The following IRF2BP2 variants were observed in gnomAD, a reference collection of about 807,000 sequenced individuals.
IRF2BP2 encodes the protein interferon regulatory factor 2-binding protein 2.
A neutral mutation model predicts 32.7 loss-of-function variants in IRF2BP2; 13 were observed. The ratio of observed to expected loss-of-function variants is 0.40; its 90% CI spans 0.26 to 0.63. IRF2BP2 has a LOEUF of 0.63. Ranked by LOEUF, IRF2BP2 falls within the 30% of genes least tolerant of loss-of-function variation. The pLI is 0.42. For synonymous variants in IRF2BP2, 555 were observed against 384.6 expected (o/e 1.44, Z -5.18); for missense variants, 980 against 830.6 (o/e 1.18, Z -2.21).
chr1:234,608,973 C>G lies in IRF2BP2; in HGVS notation c.522G>C (p.Gln174His), dbSNP rs1346043758. 7 of 1,359,594 alleles carry G rather than the reference C, an allele frequency of 5.1e-6. No individual in the cohort carries two copies. The highest frequency in any genetic ancestry group is 6.6e-6 in the Non-Finnish European group (7 of 1,060,628). 84.2% of individuals were successfully genotyped at this position (1,359,594 alleles called of 1,614,324 possible). Residue 174 changes from glutamine to histidine, a missense_variant, in exon 1 of 2, where the codon CAG becomes CAC. By Grantham distance (24) the Gln-to-His change is conservative. Coordinates refer to ENST00000366609, the MANE Select transcript of IRF2BP2 (RefSeq NM_182972.3). ...CGTGGCCGCGCCGCGGGTTCGGGCTCTGGCGATTCAGCTCGGGCGGCTCCT... is the reference window on the plus strand; with the variant it reads ...CGTGGCCGCGCCGCGGGTTCGGGCTGTGGCGATTCAGCTCGGGCGGCTCCT... The part of the protein sequence containing the change: ...KLEEPPELNR[Q>H]SPNPRRGHAV...
At position 234,607,456 on chromosome 1, in the gene IRF2BP2, G is replaced by C. The variant is rs1672194317; in HGVS notation, c.1445C>G (p.Thr482Arg). The C allele has an allele frequency of 6.2e-7, 1 of 1,613,970 alleles. No homozygotes were observed. Among genetic ancestry groups the C allele is most frequent in the Non-Finnish European group, 8.5e-7 (1 of 1,179,954 alleles). ...REVGGQGAGN[T>R]GGLEPVHPAS... Reference sequence around the variant, plus strand: ...AGGGTGCACTGGCTCCAGTCCTCCTGTGTTGCCTGCTCCCTGGCCCCCCAC... The same window carrying C: ...AGGGTGCACTGGCTCCAGTCCTCCTCTGTTGCCTGCTCCCTGGCCCCCCAC... The change falls in exon 2 of 2, where the codon ACA (threonine) becomes AGA (arginine). Residue 482 changes from threonine to arginine, a missense_variant. Coordinates refer to ENST00000366609, the MANE Select transcript of IRF2BP2 (RefSeq NM_182972.3).
intron 1 of IRF2BP2, among the ~76,000 whole-genome samples, 164 bp downstream of exon 1, chr1:234,608,283 T>G (rs1326294497): frequency 1.3e-5 from 2 of 152,240 alleles, no homozygotes; most frequent in African/African-American, 2.4e-5. Context: ...CTTCAGCACA[T>G]GAACACGTTG....
At position 234,609,453 on chromosome 1, in the gene IRF2BP2, C is replaced by A; in HGVS notation, c.42G>T (p.Gln14His). The change falls in exon 1 of 2, where the codon CAG (glutamine) becomes CAT (histidine). Residue 14 changes from glutamine to histidine, a missense_variant. Transcript: ENST00000366609. The part of the protein sequence containing the change: ...AVAVAAASRR[Q>H]SCYLCDLPRM... ...GGGGCAGGTCACACAGGTAGCACGA[C>A]TGCCGCCGGGACGCGGCCGCCACCG... 6.5e-7 allele frequency: 1 copy of A among 1,533,924 alleles called. No homozygotes were observed.
chr1:234,608,195 C>T (rs1326999616), intron 1 of IRF2BP2: 1 of 523,582 alleles, frequency 1.9e-6, no homozygotes, highest in Non-Finnish European at 3.4e-6. Flanking sequence ...CCTCATGCTC[C>T]CATCCAAGAA....
At position 234,607,767 on chromosome 1, in the gene IRF2BP2, C is replaced by T. The variant is rs1428878286; in HGVS notation, c.1134G>A (p.Pro378=). ...GPPKINGEAQ[P]WLSTSTEGLK... ...GCCCCTCTGTGGATGTGGACAGCCA[C>T]GGCTGGGCCTCTCCGTTGATCTTAG... The change falls in exon 2 of 2, where the codon CCG becomes CCA. Residue 378 remains proline (P), a synonymous_variant. Transcript: ENST00000366609. 3.7e-6 allele frequency: 6 copies of T among 1,613,814 alleles called. No individual in the cohort carries two copies. In the African/African-American group the frequency reaches 4.0e-5, roughly 11 times the overall value.
chr1:234,607,369 T>C lies in IRF2BP2; in HGVS notation c.1532A>G (p.Glu511Gly), dbSNP rs1571956696. Residue 511 changes from glutamate (E) to glycine (G), a missense_variant, in exon 2 of 2, where the codon GAG becomes GGG. Coordinates refer to ENST00000366609, the MANE Select transcript of IRF2BP2 (RefSeq NM_182972.3). Reference protein sequence around the residue: ...SAPLCCTLCHERLEDTHFVQC... With the variant: ...SAPLCCTLCHGRLEDTHFVQC... ...CACAAAATGGGTGTCCTCCAGCCGC[T>C]CGTGGCAGAGGGTGCAGCACAGCGG... The C allele has an allele frequency of 1.2e-6, 2 of 1,614,114 alleles. No individual in the cohort carries two copies. Among genetic ancestry groups the C allele is most frequent in the Middle Eastern group, 3.3e-4 (2 of 6,062 alleles).
rs529876055 is a variant in IRF2BP2, at chr1:234,606,113, G to A, written c.*1024C>T. 4 of 152,340 alleles carry A rather than the reference G, an allele frequency of 2.6e-5. No individual in the cohort carries two copies. Among genetic ancestry groups the A allele is most frequent in the African/African-American group, 7.2e-5 (3 of 41,566 alleles). The allele number at this position is 152,340 out of a possible 1,614,324, so 9.4% of individuals were successfully genotyped here. A position where few individuals can be genotyped will look rare whatever the true frequency, so the allele number is the denominator to read the frequency against. On this transcript the variant is annotated 3_prime_UTR_variant, in exon 2 of 2. Coordinates refer to ENST00000366609, the MANE Select transcript of IRF2BP2 (RefSeq NM_182972.3). ...CACTCACTAGAAACAGGGTATAGGT[G>A]ATAGTATCAACAGCAATAGCACTAC...
At position 234,608,523 on chromosome 1, in the gene IRF2BP2, C is replaced by G. The variant is rs374664827; in HGVS notation, c.972G>C (p.Lys324Asn). The change falls in exon 1 of 2, where the codon AAG becomes AAC. Residue 324 changes from lysine (K) to asparagine (N), a missense_variant. By Grantham distance (94) the Lys-to-Asn change is moderately conservative. Transcript: ENST00000366609. ...QHGHSGPFES[K>N]FKKEPALTAG... is the part of the protein sequence containing the mutation. ...CAGTCAGGGCCGGCTCCTTCTTAAACTTGCTCTCGAAGGGCCCCGAGTGGC... is the reference window on the plus strand; with the variant it reads ...CAGTCAGGGCCGGCTCCTTCTTAAAGTTGCTCTCGAAGGGCCCCGAGTGGC... The G allele has an allele frequency of 2.5e-6, 4 of 1,610,858 alleles. No homozygotes were observed. The African/African-American group carries it at 5.3e-5, about 22-fold the overall frequency.
intron 1 of IRF2BP2, 65 bp from the exon 2 acceptor site, chr1:234,607,917 TC>T (rs1672210825): frequency 7.8e-7 from 1 of 1,288,656 alleles, no homozygotes; most frequent in Non-Finnish European, 1.1e-6. Flanking sequence ...AAGAGATCAT[TC>T]TCTTCCTAAC....
Position 234,608,975 on chromosome 1 carries a change from G to T in IRF2BP2, c.520C>A (p.Gln174Lys), listed in dbSNP as rs1233339474. The T allele has an allele frequency of 7.4e-7, 1 of 1,359,734 alleles. No individual in the cohort carries two copies. Among genetic ancestry groups the T allele is most frequent in the Non-Finnish European group, 9.4e-7 (1 of 1,060,706 alleles). The allele number at this position is 1,359,734 out of a possible 1,614,324, so 84.2% of individuals were successfully genotyped here. A position where few individuals can be genotyped will look rare whatever the true frequency, so the allele number is the denominator to read the frequency against. ...KLEEPPELNR[Q>K]SPNPRRGHAV... The stretch of plus-strand genomic sequence containing the variant: ...TGGCCGCGCCGCGGGTTCGGGCTCT[G>T]GCGATTCAGCTCGGGCGGCTCCTCT... The change falls in exon 1 of 2, where the codon CAG (glutamine) becomes AAG (lysine). Residue 174 changes from glutamine to lysine, a missense_variant. Coordinates refer to ENST00000366609, the MANE Select transcript of IRF2BP2 (RefSeq NM_182972.3).
rs1672267992 is a variant in IRF2BP2 at position 234,609,151 on chromosome 1, T to C, written c.344A>G (p.Glu115Gly). The change falls in exon 1 of 2, where the codon GAG (glutamate) becomes GGG (glycine). Residue 115 changes from glutamate (E) to glycine (G), a missense_variant. Transcript: ENST00000366609. ...EAAPRAPQAL[E>G]RYPLAAAAER... ...GGCCGCGGCCGCCAACGGGTAGCGC[T>C]CCAAGGCCTGCGGCGCGCGCGGGGC... 1.6e-6 allele frequency: 2 copies of C among 1,264,950 alleles called. No homozygotes were observed. The allele number at this position is 1,264,950 out of a possible 1,614,324, so 78.4% of individuals were successfully genotyped here. A position where few individuals can be genotyped will look rare whatever the true frequency, so the allele number is the denominator to read the frequency against.
rs756910331 is a variant in IRF2BP2 at position 234,607,067 on chromosome 1, T to C, written c.*70A>G. ...CCCTTGTCTTGGATATATATATATA[T>C]GGAGATATATATACAATTCAAGCAG... On this transcript the variant is annotated 3_prime_UTR_variant, in exon 2 of 2. Transcript: ENST00000366609. 3.9e-6 allele frequency: 4 copies of C among 1,022,342 alleles called. No homozygotes were observed. The highest frequency in any genetic ancestry group is 3.2e-5 in the African/African-American group (2 of 62,132). 63.3% of individuals were successfully genotyped at this position (1,022,342 alleles called of 1,614,324 possible).
chr1:234,604,466 A>T lies in IRF2BP2; in HGVS notation c.*2671T>A, dbSNP rs1158380824. 6.6e-6 allele frequency: 1 copy of T among 152,156 alleles called. No homozygotes were observed. Among genetic ancestry groups the T allele is most frequent in the Non-Finnish European group, 1.5e-5 (1 of 68,020 alleles). 9.4% of individuals were successfully genotyped at this position (152,156 alleles called of 1,614,324 possible). A position where few individuals can be genotyped will look rare whatever the true frequency, so the allele number is the denominator to read the frequency against. On this transcript the variant is annotated 3_prime_UTR_variant, in exon 2 of 2. Transcript: ENST00000366609. Reference sequence around the variant, plus strand: ...ATAGAAAAAGTATCACCTTCAACTTAAAAAAAGTAAAGGTTAAAAGGTGGC... The same window carrying T: ...ATAGAAAAAGTATCACCTTCAACTTTAAAAAAGTAAAGGTTAAAAGGTGGC...
chr1:234,608,438 C>T lies in IRF2BP2; in HGVS notation c.1048+9G>A. ...CCCCTAGACCCCCTCACTTCACAGC[C>T]GCCCCTACCTGCTTTAGACCCGTTG... On this transcript the variant is annotated intron_variant, in intron 1 of 1. Transcript: ENST00000366609. 1.3e-6 allele frequency: 2 copies of T among 1,507,794 alleles called. No homozygotes were observed. The highest frequency in any genetic ancestry group is 1.8e-6 in the Non-Finnish European group (2 of 1,123,174). 93.4% of individuals were successfully genotyped at this position (1,507,794 alleles called of 1,614,324 possible). A position where few individuals can be genotyped will look rare whatever the true frequency, so the allele number is the denominator to read the frequency against.
At position 234,609,105 on chromosome 1, in the gene IRF2BP2, G is replaced by A. The variant is rs769632628; in HGVS notation, c.390C>T (p.Gly130=). The A allele has an allele frequency of 1.6e-6, 2 of 1,231,596 alleles. No homozygotes were observed. Among genetic ancestry groups the A allele is most frequent in the South Asian group, 3.5e-5 (1 of 28,256 alleles). The allele number at this position is 1,231,596 out of a possible 1,614,324, so 76.3% of individuals were successfully genotyped here. A position where few individuals can be genotyped will look rare whatever the true frequency, so the allele number is the denominator to read the frequency against. Residue 130 remains glycine (G), a synonymous_variant, in exon 1 of 2, where the codon GGC becomes GGT. Transcript: ENST00000366609. ...AAAAERPPRL[G]SDFGSSRPAA... The stretch of plus-strand genomic sequence containing the variant: ...CCGGGCGGCTGCTGCCGAAGTCAGA[G>A]CCGAGGCGCGGGGGCCTCTCGGCCG...
intron 1 of IRF2BP2, 59 bp from the exon 2 acceptor site, chr1:234,607,911 G>A (rs946538848): frequency 1.7e-5 from 22 of 1,327,480 alleles, no homozygotes; most frequent in Admixed American, 4.7e-5. Flanking sequence ...CACTGAAAGA[G>A]ATCATTCTCT....
Position 234,609,357 on chromosome 1 carries a change from G to C in IRF2BP2, c.138C>G (p.Ala46=), listed in dbSNP as rs774505217. Residue 46 remains alanine, a synonymous_variant, in exon 1 of 2, where the codon GCC becomes GCG. Transcript: ENST00000366609. The part of the protein sequence containing the change: ...VCRGCVNYEG[A]DRVEFVIETA... ...TCTCGATGACGAACTCGACGCGGTC[G>C]GCGCCCTCGTAGTTGACGCAGCCGC... 12 of 1,545,650 alleles carry C rather than the reference G, an allele frequency of 7.8e-6. No homozygotes were observed. The Admixed American group carries it at 1.9e-4, about 25-fold the overall frequency.
Position 234,607,710 on chromosome 1 carries a change from A to G in IRF2BP2, c.1191T>C (p.Phe397=). The change falls in exon 2 of 2, where the codon TTT becomes TTC. Residue 397 remains phenylalanine (F), a synonymous_variant. Transcript: ENST00000366609. ...LKIPMTPTSS[F]VSPPPPTASP... ...AGGCAGTGGGTGGTGGCGGAGACAC[A>G]AAAGAGGATGTAGGAGTCATGGGGA... 1 of 1,614,194 alleles carries G rather than the reference A, an allele frequency of 6.2e-7. No individual in the cohort carries two copies. The highest frequency in any genetic ancestry group is 8.5e-7 in the Non-Finnish European group (1 of 1,180,030).
rs1230344162 is a variant in IRF2BP2 at position 234,610,145 on chromosome 1, G to C, written c.-651C>G. Among the ~76,000 whole-genome samples the C allele has an allele frequency of 6.7e-6, 1 of 148,404 alleles. No individual in the cohort carries two copies. The highest frequency in any genetic ancestry group is 2.1e-4 in the South Asian group (1 of 4,828). On this transcript the variant is annotated 5_prime_UTR_variant, in exon 1 of 2. Transcript: ENST00000366609. ...CAGCTCCGCCGCCGCCACCGTCGCT[G>C]CTGCTGCTGCCGCCGCGACCGCTCC...
Sources: gnomAD v4.1 joint callset for allele counts (sites outside exome capture counted in the v4.1 genomes callset) on GRCh38, gnomAD v4.1.1 for gene constraint, MANE v1.5 for transcripts, NCBI Gene and HGNC (gene_info 2026-07-23, HGNC 2026-07-21) for gene names.